Variants in MAP4K3 observed in about 807,000 individuals in gnomAD.
MAP4K3 encodes the protein mitogen-activated protein kinase kinase kinase kinase 3, also known as MAPK/ERK kinase kinase kinase 3.
Under a neutral mutation model 143.5 loss-of-function variants are expected in MAP4K3, and 94 were observed. The observed-to-expected ratio is 0.65, with a 90% confidence interval of 0.55 to 0.78. MAP4K3 has a LOEUF of 0.78. Among genes scored for constraint, MAP4K3 ranks in the 30% least tolerant of loss-of-function variants. The pLI is 0.00. For missense variants in MAP4K3, 1,077 were observed against 1,068.1 expected, an observed-to-expected ratio of 1.01 and a Z score of -0.12; for synonymous variants, 416 against 347.2, an observed-to-expected ratio of 1.20 and a Z score of -2.20.
At chr2:39,271,739 G>C (rs1023013283) in intron 26 of MAP4K3, among the ~76,000 whole-genome samples, 1 of 152,078 alleles carries the variant, frequency 6.6e-6, no homozygotes, top group Non-Finnish European at 1.5e-5. Flanking sequence ...CCACAGGCTC[G>C]AGCCACCATG....
intron 8 of MAP4K3, among the ~76,000 whole-genome samples, chr2:39,329,928 G>C (rs950366359): frequency 7.2e-5 from 11 of 152,082 alleles, no homozygotes; most frequent in African/African-American, 2.4e-4. Context: ...TTGAGGGAAG[G>C]CTCCATCATG....
intron 1 of MAP4K3, among the ~76,000 whole-genome samples, chr2:39,419,962 T>A (rs1204744818): frequency 6.6e-6 from 1 of 152,180 alleles, no homozygotes; most frequent in Non-Finnish European, 1.5e-5. Context: ...GAAAAAGGTT[T>A]AGTAATGACA....
chr2:39,351,082 T>C (rs539416376), intron 3 of MAP4K3, among the ~76,000 whole-genome samples: 8 of 152,354 alleles, frequency 5.3e-5, no homozygotes, highest in East Asian at 1.9e-4. Flanking sequence ...AGGATGTGCA[T>C]AGCTATGCCA....
chr2:39,415,980 A>AAAATAT (rs1553318573), intron 1 of MAP4K3, among the ~76,000 whole-genome samples: 4 of 14,754 alleles, frequency 2.7e-4, no homozygotes, highest in Admixed American at 7.2e-4. Flanking sequence ...AAAAAAAAAA[A>AAAATAT]ATATATATAT....
chr2:39,313,743 C>G (rs1683021613), intron 13 of MAP4K3, among the ~76,000 whole-genome samples: 1 of 152,194 alleles, frequency 6.6e-6, no homozygotes, highest in African/African-American at 2.4e-5. Flanking sequence ...CAGCTCCTGA[C>G]CTCAAGTGAT....
At chr2:39,283,823 C>A (rs990314768) in intron 21 of MAP4K3, 2 of 152,142 alleles carry the variant, frequency 1.3e-5, no homozygotes, top group African/African-American at 4.8e-5. Context: ...TGACAGTCTA[C>A]ATTTCTTTCA....
intron 8 of MAP4K3, among the ~76,000 whole-genome samples, chr2:39,326,629 C>A (rs1683497472): frequency 6.6e-6 from 1 of 152,098 alleles, no homozygotes. Context: ...TAAAAAGGAC[C>A]TGCAATTTGG....
intron 19 of MAP4K3, among the ~76,000 whole-genome samples, chr2:39,288,838 G>T (rs1207765627): frequency 2.0e-5 from 3 of 152,178 alleles, no homozygotes; most frequent in African/African-American, 7.2e-5. Context: ...GGATCACGAG[G>T]TCAGGAGATC....
intron 1 of MAP4K3, among the ~76,000 whole-genome samples, chr2:39,389,552 G>C (rs1266781491): frequency 2.0e-5 from 3 of 152,020 alleles, no homozygotes; most frequent in Non-Finnish European, 4.4e-5. Flanking sequence ...TCAGAGAAAA[G>C]GAGTCAGATT....
chr2:39,264,519 G>C (rs903647970), intron 28 of MAP4K3, among the ~76,000 whole-genome samples: 7 of 152,098 alleles, frequency 4.6e-5, no homozygotes, highest in Non-Finnish European at 1.0e-4. Context: ...CCCCACTCCA[G>C]CTATATTCCG....
intron 1 of MAP4K3, among the ~76,000 whole-genome samples, chr2:39,404,617 C>CTTT (rs1174319224): frequency 1.2e-3 from 103 of 85,974 alleles, no homozygotes; most frequent in East Asian, 1.7e-3. Flanking sequence ...TTCTTTCTTT[C>CTTT]TTTTTTTTTT....
At chr2:39,333,959 TTTTGTGTGTGTGTG>T (rs1558652075) in intron 6 of MAP4K3, among the ~76,000 whole-genome samples, 1 of 87,244 alleles carries the variant, frequency 1.1e-5, no homozygotes, top group East Asian at 4.5e-4. Context: ...TGTTTCCCAT[TTTTGTGTGTGTGTG>T]TGTGTGTGTG....
chr2:39,351,122 G>C (rs1233068054), intron 3 of MAP4K3, among the ~76,000 whole-genome samples: 2 of 152,108 alleles, frequency 1.3e-5, no homozygotes, highest in African/African-American at 4.8e-5. Context: ...GCATTCATGG[G>C]TTTTGGTATC....
At chr2:39,315,459 C>A in intron 12 of MAP4K3, 71 bp from the exon 13 acceptor site, 7 of 1,009,162 alleles carry the variant, frequency 6.9e-6, no homozygotes, top group South Asian at 3.2e-5. Context: ...CAAAATTACC[C>A]AAATAGGAAA....
At chr2:39,330,057 G>A (rs1922827) in intron 8 of MAP4K3, among the ~76,000 whole-genome samples, 134,054 of 152,094 alleles carry the variant, frequency 0.88, 59,270 homozygotes, top group Non-Finnish European at 0.91. Context: ...GATACAACCA[G>A]TGAGTTCCAT....
chr2:39,422,961 A>G (rs191443543), intron 1 of MAP4K3, among the ~76,000 whole-genome samples: 33 of 152,342 alleles, frequency 2.2e-4, no homozygotes, highest in Admixed American at 2.0e-3. Context: ...TCTGCTCTGC[A>G]AAAGACATTG....
rs562147179 is a variant in MAP4K3, at chr2:39,292,038, T to TA, written c.1271+734dup. On this transcript the variant is annotated intron_variant, in intron 18 of 33. Transcript: ENST00000263881. ...TTTTACCATGAAACTGCATCTTTAT[T>TA]AAAAAAAAAAAAGTAAACATCAATG... Among the ~76,000 whole-genome samples, 338 of 143,606 alleles carry TA rather than the reference T, an allele frequency of 2.4e-3. 1 individual carries two copies. Among genetic ancestry groups the TA allele is most frequent in the Middle Eastern group, 7.1e-3 (2 of 282 alleles). 94.2% of individuals were successfully genotyped at this position (143,606 alleles called of 152,430 possible).
At chr2:39,354,260 T>C (rs567412599) in intron 3 of MAP4K3, among the ~76,000 whole-genome samples, 57 of 151,752 alleles carry the variant, frequency 3.8e-4, no homozygotes, top group Middle Eastern at 3.4e-3. Context: ...TGGCTAACAC[T>C]GTGAAACCCC....
chr2:39,356,170 T>C (rs769603207), intron 3 of MAP4K3, 79 bp downstream of exon 3: 2 of 831,232 alleles, frequency 2.4e-6, no homozygotes, highest in East Asian at 2.7e-5. Context: ...AAACATGGTA[T>C]TAAAACTAAC....
Sources: allele counts gnomAD v4.1 joint callset (sites outside exome capture counted in the v4.1 genomes callset), GRCh38; gene constraint gnomAD v4.1.1; transcripts MANE v1.5; gene names NCBI Gene and HGNC (gene_info 2026-07-23, HGNC 2026-07-21).